SHISA9: variants seen among roughly 807,000 people sequenced by gnomAD.
SHISA9 encodes the protein protein shisa-9.
In SHISA9, 13 loss-of-function variants were observed where a neutral mutation model predicts 38.0. That is an observed-to-expected ratio of 0.34 (90% CI 0.22 to 0.54). The LOEUF is 0.54. Ranked by LOEUF, SHISA9 falls within the 20% of genes least tolerant of loss-of-function variation. SHISA9 has a pLI of 0.91. For synonymous variants in SHISA9, 275 were observed against 242.0 expected (o/e 1.14, Z -1.27); for missense variants, 538 against 575.8 (o/e 0.93, Z 0.67).
At chr16:13,530,119 T>G in the SHISA9 span, among the ~76,000 whole-genome samples, 2 of 152,236 alleles carry the variant, frequency 1.3e-5, no homozygotes, top group African/African-American at 4.8e-5. Flanking sequence ...GCCAACATGG[T>G]GAAATCTCGT....
At chr16:13,352,936 G>A in the SHISA9 span, among the ~76,000 whole-genome samples, 1 of 152,092 alleles carries the variant, frequency 6.6e-6, no homozygotes, top group Non-Finnish European at 1.5e-5. Context: ...GGTGGGGCAG[G>A]GCATATTCAC....
intron 2 of SHISA9, among the ~76,000 whole-genome samples, chr16:12,950,619 T>G (rs1049804805): frequency 4.0e-5 from 6 of 149,446 alleles, no homozygotes; most frequent in African/African-American, 1.5e-4. Flanking sequence ...TTTAATTTGT[T>G]TTTTTTTTTT....
intron 1 of SHISA9, chr16:12,911,273 A>C (rs1436322754): frequency 5.1e-6 from 5 of 985,288 alleles, no homozygotes; most frequent in Admixed American, 6.2e-5. Flanking sequence ...TCTGAGAAGC[A>C]CTCAAACTAT....
chr16:13,488,947 G>A, the SHISA9 span, among the ~76,000 whole-genome samples: 1 of 151,968 alleles, frequency 6.6e-6, no homozygotes, highest in African/African-American at 2.4e-5. Flanking sequence ...CTAATTTTTT[G>A]TATTTTTACT....
At chr16:12,949,681 A>G (rs2071730133) in intron 2 of SHISA9, among the ~76,000 whole-genome samples, 1 of 152,364 alleles carries the variant, frequency 6.6e-6, no homozygotes, top group Non-Finnish European at 1.5e-5. Flanking sequence ...TGGGTTAAAT[A>G]AAACATATGA....
chr16:13,012,376 G>A (rs902890415), intron 2 of SHISA9, among the ~76,000 whole-genome samples: 10 of 152,068 alleles, frequency 6.6e-5, no homozygotes, highest in African/African-American at 2.4e-4. Context: ...GAATATTTGG[G>A]GGAAGAGAGT....
At chr16:13,203,366 C>A in intron 2 of SHISA9, 28 bp from the exon 3 acceptor site, 2 of 1,498,836 alleles carry the variant, frequency 1.3e-6, no homozygotes, top group Non-Finnish European at 1.8e-6. Flanking sequence ...CTGTCTGTGA[C>A]AATCTCCTTC....
chr16:13,336,231 T>A, the SHISA9 span, among the ~76,000 whole-genome samples: 32 of 152,176 alleles, frequency 2.1e-4, no homozygotes, highest in African/African-American at 7.5e-4. Context: ...GAAGAAATAA[T>A]ACTCATCCTT....
At chr16:13,380,611 C>T in the SHISA9 span, among the ~76,000 whole-genome samples, 2 of 152,214 alleles carry the variant, frequency 1.3e-5, no homozygotes, top group Admixed American at 1.3e-4. Context: ...ATTTATTACA[C>T]CAAAATGAAG....
At chr16:13,329,003 A>C in the SHISA9 span, among the ~76,000 whole-genome samples, 3 of 152,098 alleles carry the variant, frequency 2.0e-5, no homozygotes, top group African/African-American at 7.2e-5. Flanking sequence ...GCAGTTGTGC[A>C]AGTAGAAAAT....
intron 2 of SHISA9, among the ~76,000 whole-genome samples, chr16:13,187,557 A>G (rs1188094302): frequency 6.6e-6 from 1 of 150,624 alleles, no homozygotes; most frequent in Non-Finnish European, 1.5e-5. Flanking sequence ...CTGGTCTCAA[A>G]CTCCTGATGT....
At chr16:13,333,112 T>C in the SHISA9 span, among the ~76,000 whole-genome samples, 1 of 152,204 alleles carries the variant, frequency 6.6e-6, no homozygotes, top group South Asian at 2.1e-4. Context: ...AATGGTTCTC[T>C]CCAGGGCAGC....
chr16:13,360,089 G>A, the SHISA9 span, among the ~76,000 whole-genome samples: 1 of 152,234 alleles, frequency 6.6e-6, no homozygotes, highest in Non-Finnish European at 1.5e-5. Flanking sequence ...GACTGGAACA[G>A]AGCCTGGGCT....
chr16:12,932,604 A>T (rs1431180899), intron 2 of SHISA9, among the ~76,000 whole-genome samples: 1 of 152,110 alleles, frequency 6.6e-6, no homozygotes. Context: ...TGGCCTCCCA[A>T]AGTGCTGGGA....
chr16:13,289,145 A>G, the SHISA9 span, among the ~76,000 whole-genome samples: 1 of 152,136 alleles, frequency 6.6e-6, no homozygotes, highest in South Asian at 2.1e-4. Flanking sequence ...TCCGCAAAGG[A>G]ATTAGAGTAG....
chr16:13,377,955 C>T, the SHISA9 span, among the ~76,000 whole-genome samples: 1 of 152,154 alleles, frequency 6.6e-6, no homozygotes, highest in Non-Finnish European at 1.5e-5. Context: ...ATCGCTTGAA[C>T]CTGGAAGGCG....
the SHISA9 span, among the ~76,000 whole-genome samples, chr16:13,328,589 TATACACAC>T: frequency 2.2e-5 from 2 of 90,402 alleles, no homozygotes; most frequent in African/African-American, 4.8e-5. Context: ...AATATATGTG[TATACACAC>T]ACACACACAC....
At chr16:13,088,313 G>A (rs2073736309) in intron 2 of SHISA9, among the ~76,000 whole-genome samples, 1 of 152,016 alleles carries the variant, frequency 6.6e-6, no homozygotes, top group East Asian at 1.9e-4. Context: ...AGGCTCTTTT[G>A]TGGTTCCATA....
At chr16:13,283,782 G>C in the SHISA9 span, among the ~76,000 whole-genome samples, 1 of 151,910 alleles carries the variant, frequency 6.6e-6, no homozygotes, top group East Asian at 1.9e-4. Context: ...CTGGATTTCA[G>C]GTATGTTAAT....
Sources: gnomAD v4.1 joint callset for allele counts (sites outside exome capture counted in the v4.1 genomes callset) on GRCh38, gnomAD v4.1.1 for gene constraint, MANE v1.5 for transcripts, NCBI Gene and HGNC (gene_info 2026-07-23, HGNC 2026-07-21) for gene names.